BAZ2A: variants seen among roughly 807,000 people sequenced by gnomAD.
BAZ2A encodes bromodomain adjacent to zinc finger domain 2A, also known as bromodomain adjacent to zinc finger domain protein 2A.
A neutral mutation model predicts 199.9 loss-of-function variants in BAZ2A; 34 were observed. The observed-to-expected ratio is 0.17, with a 90% CI of 0.13 to 0.23. The LOEUF (loss-of-function observed/expected upper bound fraction) is 0.23, where lower values mean the gene tolerates loss of function less well. Ranked by LOEUF, BAZ2A falls within the 10% of genes least tolerant of loss-of-function variation. BAZ2A has a pLI of 1.00. For missense variants in BAZ2A, 2,002 were observed against 2,391.1 expected (o/e 0.84, Z 3.39); for synonymous variants, 857 against 883.9 (o/e 0.97, Z 0.54).
intron 20 of BAZ2A, 49 bp from the exon 21 acceptor site, chr12:56,601,451 AG>A: frequency 6.3e-7 from 1 of 1,592,986 alleles, no homozygotes; most frequent in Non-Finnish European, 8.6e-7. Context: ...TCATGTTTAT[AG>A]GTTCCCTCAA....
intron 9 of BAZ2A, 53 bp downstream of exon 9, chr12:56,610,061 G>C: frequency 6.2e-7 from 1 of 1,604,474 alleles, no homozygotes; most frequent in East Asian, 2.2e-5. Context: ...GCTGCAGCTT[G>C]TCCACCAACT....
upstream of BAZ2A, chr12:56,638,298 AG>A: frequency 6.3e-7 from 1 of 1,595,368 alleles, no homozygotes; most frequent in Non-Finnish European, 8.6e-7. Flanking sequence ...GCAAGGAGAG[AG>A]ACAGTACAGA....
At chr12:56,622,395 A>G (rs1301631532) in intron 1 of BAZ2A, among the ~76,000 whole-genome samples, 1 of 152,230 alleles carries the variant, frequency 6.6e-6, no homozygotes, top group Non-Finnish European at 1.5e-5. Context: ...AATATAATTT[A>G]AAACTAGGGA....
At chr12:56,614,701 C>T (rs2137059719) in intron 3 of BAZ2A, among the ~76,000 whole-genome samples, 1 of 152,338 alleles carries the variant, frequency 6.6e-6, no homozygotes, top group Admixed American at 6.5e-5. Context: ...TAGACCCTAA[C>T]CACTCCGTAT....
upstream of BAZ2A, among the ~76,000 whole-genome samples, chr12:56,634,546 C>T (rs1320222339): frequency 6.6e-6 from 1 of 152,202 alleles, no homozygotes; most frequent in Non-Finnish European, 1.5e-5. Context: ...TCCCCCGCCC[C>T]CCTTACTACG....
At position 56,606,683 on chromosome 12, in the gene BAZ2A, T is replaced by C. The variant is rs1565816158; in HGVS notation, c.2143A>G (p.Met715Val). ...TCTCCCCGTTGAACCTTCTGCCTCA[T>C]CTTCTTCTTGCTTTTAGCAATCTTT... ...KAKIAKSKKKMRQKVQRGECQ... is the reference protein window; with the variant it reads ...KAKIAKSKKKVRQKVQRGECQ... The change falls in exon 11 of 29, where the codon ATG becomes GTG. Residue 715 changes from methionine (M) to valine (V), a missense_variant. Coordinates refer to ENST00000549884, the MANE Select transcript of BAZ2A (RefSeq NM_001300905.2). 2 of 1,613,884 alleles carry C rather than the reference T, an allele frequency of 1.2e-6. No individual in the cohort carries two copies. Among genetic ancestry groups the C allele is most frequent in the Admixed American group, 3.3e-5 (2 of 60,006 alleles).
chr12:56,609,876 C>T lies in BAZ2A; in HGVS notation c.1952G>A (p.Gly651Asp). 1 of 1,613,418 alleles carries T rather than the reference C, an allele frequency of 6.2e-7. No homozygotes were observed. The highest frequency in any genetic ancestry group is 1.1e-5 in the South Asian group (1 of 91,014). Reference protein sequence around the residue: ...SRIQAITGKRGRPRNTEKAKT... With the variant: ...SRIQAITGKRDRPRNTEKAKT... Reference sequence around the variant, plus strand: ...AGCCTTCTCAGTGTTTCGAGGTCGACCCCGTTTGCCAGTAATTGCCTGAAT... The same window carrying T: ...AGCCTTCTCAGTGTTTCGAGGTCGATCCCGTTTGCCAGTAATTGCCTGAAT... Residue 651 changes from glycine to aspartate, a missense_variant, in exon 10 of 29, where the codon GGT becomes GAT. Gly to Asp is a moderately conservative substitution (Grantham distance 94, BLOSUM62 -1). Coordinates refer to ENST00000549884, the MANE Select transcript of BAZ2A (RefSeq NM_001300905.2).
intron 1 of BAZ2A, among the ~76,000 whole-genome samples, chr12:56,628,044 C>T (rs1284190332): frequency 6.7e-6 from 1 of 150,114 alleles, no homozygotes; most frequent in Non-Finnish European, 1.5e-5. Context: ...TAGCTGGATG[C>T]GGTGGCGGGC....
upstream of BAZ2A, chr12:56,630,714 A>G: frequency 1.1e-6 from 1 of 909,492 alleles, no homozygotes; most frequent in Non-Finnish European, 1.3e-6. Context: ...TAGAAAGGTT[A>G]GTCACTCAGG....
At chr12:56,636,379 T>TG (rs545820747), upstream of BAZ2A, 549 of 946,488 alleles carry the variant, frequency 5.8e-4, 5 homozygotes, top group South Asian at 5.0e-3. Flanking sequence ...TGTGACAGAC[T>TG]GGGGTGGGGA....
Position 56,596,020 on chromosome 12 carries a change from T to A in BAZ2A, c.*2598A>T, listed in dbSNP as rs1387355641. On this transcript the variant is annotated 3_prime_UTR_variant, in exon 29 of 29. Coordinates refer to ENST00000549884, the MANE Select transcript of BAZ2A (RefSeq NM_001300905.2). ...GAACATCACATGGCAAAAACAGGAG[T>A]TTTTTCGCTAGACTTTTTTTTTCTT... 6 of 152,596 alleles carry A rather than the reference T, an allele frequency of 3.9e-5. No homozygotes were observed. The highest frequency in any genetic ancestry group is 1.4e-4 in the African/African-American group (6 of 41,416). 9.5% of individuals were successfully genotyped at this position (152,596 alleles called of 1,614,324 possible). A position where few individuals can be genotyped will look rare whatever the true frequency, so the allele number is the denominator to read the frequency against.
chr12:56,634,965 A>C, upstream of BAZ2A: 1 of 984,764 alleles, frequency 1.0e-6, no homozygotes, highest in Non-Finnish European at 1.2e-6. Flanking sequence ...GCCGGGCCGC[A>C]GGCGGCGGCG....
At chr12:56,604,019 A>C (rs1359063348) in intron 16 of BAZ2A, among the ~76,000 whole-genome samples, 198 bp downstream of exon 16, 3 of 152,176 alleles carry the variant, frequency 2.0e-5, no homozygotes, top group Non-Finnish European at 4.4e-5. Context: ...TCTCAAAAAA[A>C]AAAAATTACG....
Position 56,609,798 on chromosome 12 carries a change from A to G in BAZ2A, c.2030T>C (p.Val677Ala), listed in dbSNP as rs1254132684. 1 of 1,613,710 alleles carries G rather than the reference A, an allele frequency of 6.2e-7. No homozygotes were observed. The highest frequency in any genetic ancestry group is 1.3e-5 in the African/African-American group (1 of 74,846). The change falls in exon 10 of 29, where the codon GTC becomes GCC. Residue 677 changes from valine (V) to alanine (A), a missense_variant. Coordinates refer to ENST00000549884, the MANE Select transcript of BAZ2A (RefSeq NM_001300905.2). ...VKRGRGRPPK[V>A]KITELLNKTD... ...CTTGTTCAATAGCTCAGTGATTTTG[A>G]CCTTAGGTGGCCGACCTCGACCCCG...
At position 56,615,522 on chromosome 12, in the gene BAZ2A, G is replaced by A. The variant is rs1337865258; in HGVS notation, c.222C>T (p.Ser74=). 3.7e-6 allele frequency: 6 copies of A among 1,613,482 alleles called. No individual in the cohort carries two copies. The Admixed American group carries it at 1.0e-4, about 27-fold the overall frequency. ...GGTGATGGAGGTGTGAGGTGCTGGA[G>A]GAGTGGGGAGCAGAGTTCAAAATCC... is the stretch of plus-strand genomic sequence containing the variant. The part of the protein sequence containing the change: ...TSGILNSAPH[S]SSTSHLHHPS... The change falls in exon 3 of 29, where the codon TCC becomes TCT. Residue 74 remains serine, a synonymous_variant. Transcript: ENST00000549884.
chr12:56,619,645 G>A (rs1166218197), intron 1 of BAZ2A, among the ~76,000 whole-genome samples: 1 of 152,048 alleles, frequency 6.6e-6, no homozygotes, highest in Admixed American at 6.6e-5. Context: ...ATAAGTCTGA[G>A]CATGATATAT....
At chr12:56,613,371 C>T (rs1406425274) in intron 4 of BAZ2A, 138 bp from the exon 5 acceptor site, 4 of 881,986 alleles carry the variant, frequency 4.5e-6, no homozygotes, top group Non-Finnish European at 7.0e-6. Flanking sequence ...AGTTAGGTAA[C>T]AAGTAAAGCC....
chr12:56,632,812 A>AGTGT (rs1951350897), upstream of BAZ2A, among the ~76,000 whole-genome samples: 1 of 152,144 alleles, frequency 6.6e-6, no homozygotes, highest in African/African-American at 2.4e-5. Flanking sequence ...TTGGGGTGAC[A>AGTGT]GTGTGCCCAA....
chr12:56,633,298 C>T (rs1487879766), upstream of BAZ2A, among the ~76,000 whole-genome samples: 1 of 152,120 alleles, frequency 6.6e-6, no homozygotes, highest in Non-Finnish European at 1.5e-5. Flanking sequence ...TTCCCTCTCC[C>T]CCACCAGATA....
Sources: gnomAD v4.1 joint callset for allele counts (sites outside exome capture counted in the v4.1 genomes callset) on GRCh38, gnomAD v4.1.1 for gene constraint, MANE v1.5 for transcripts, NCBI Gene and HGNC (gene_info 2026-07-23, HGNC 2026-07-21) for gene names.